The following PRSS55 variants were observed in gnomAD, a reference collection of about 807,000 sequenced individuals.
The protein encoded by PRSS55 is probable serine protease UNQ9391/PRO34284.
PRSS55 carries 41 observed loss-of-function variants against 23.6 expected under a neutral mutation model. The ratio of observed to expected loss-of-function variants is 1.74; its 90% CI spans 1.35 to 2.26. The LOEUF is 2.26. Ranked by LOEUF, PRSS55 falls within the 30% of genes most tolerant of loss-of-function variation. The pLI, the probability that PRSS55 is intolerant of heterozygous loss-of-function variation, is 0.00. For synonymous variants in PRSS55, 262 were observed against 175.5 expected, an observed-to-expected ratio of 1.49 and a Z score of -3.90; for missense variants, 669 against 439.1, an observed-to-expected ratio of 1.52 and a Z score of -4.68.
downstream of PRSS55, among the ~76,000 whole-genome samples, chr8:10,539,545 A>T (rs1273850917): frequency 2.6e-5 from 4 of 152,170 alleles, no homozygotes; most frequent in Admixed American, 6.5e-5. Flanking sequence ...CTCAAATCTC[A>T]TCTTGAATTA....
At chr8:10,531,264 C>T (rs777550398) in intron 2 of PRSS55, 31 bp from the exon 3 acceptor site, 14 of 1,610,292 alleles carry the variant, frequency 8.7e-6, no homozygotes, top group East Asian at 2.2e-5. Context: ...CTTCCCCTTC[C>T]ACTTGCCCCT....
Position 10,535,910 on chromosome 8 carries a change from G to T in PRSS55, c.742-2566G>T, listed in dbSNP as rs1267744348. Among the ~76,000 whole-genome samples, 3 of 152,210 alleles carry T rather than the reference G, an allele frequency of 2.0e-5. No individual in the cohort carries two copies. The South Asian group carries it at 6.2e-4, about 32-fold the overall frequency. ...CATTAAAAAATGGGCAGAGGGGCCG[G>T]GAGCGGTGGTTCACGCCTCTAATCC... On this transcript the variant is annotated intron_variant, in intron 4 of 4. Transcript: ENST00000328655.
chr8:10,550,065 C>T (rs762635389), intron 4 of PRSS55, among the ~76,000 whole-genome samples: 24 of 152,112 alleles, frequency 1.6e-4, no homozygotes, highest in Admixed American at 8.5e-4. Context: ...ACTACAGGTG[C>T]GCGCCACCAT....
chr8:10,541,962 G>T (rs1812668455), downstream of PRSS55, among the ~76,000 whole-genome samples: 1 of 152,046 alleles, frequency 6.6e-6, no homozygotes, highest in Non-Finnish European at 1.5e-5. Flanking sequence ...TTTTTGTAGA[G>T]ATGGGAGTTT....
intron 1 of PRSS55, among the ~76,000 whole-genome samples, chr8:10,528,596 C>T (rs931531644): frequency 1.3e-5 from 2 of 152,224 alleles, no homozygotes; most frequent in African/African-American, 4.8e-5. Flanking sequence ...AGTAAAGGAG[C>T]TGCTCAGCCT....
At position 10,529,514 on chromosome 8, in the gene PRSS55, T is replaced by G; in HGVS notation, c.162T>G (p.Gly54=). ...TCTCTTTCTTTCCACCAGAATGTGG[T>G]GACAGATCTATTTTCGAGGGAAGAA... is the stretch of plus-strand genomic sequence containing the variant. ...PHPPSPVSEC[G]DRSIFEGRTR... The change falls in exon 2 of 5, where the codon GGT becomes GGG. Residue 54 remains glycine (G), a synonymous_variant. Transcript: ENST00000328655. 1.2e-6 allele frequency: 2 copies of G among 1,614,070 alleles called. No individual in the cohort carries two copies. Among genetic ancestry groups the G allele is most frequent in the Non-Finnish European group, 1.7e-6 (2 of 1,179,960 alleles).
chr8:10,533,310 G>T (rs1812338728), intron 4 of PRSS55, among the ~76,000 whole-genome samples: 1 of 152,150 alleles, frequency 6.6e-6, no homozygotes, highest in South Asian at 2.1e-4. Flanking sequence ...GGACGCCAAG[G>T]CTTTTCTCAT....
chr8:10,541,502 C>G (rs957518980), downstream of PRSS55: 10 of 152,210 alleles, frequency 6.6e-5, no homozygotes, highest in African/African-American at 2.4e-4. Flanking sequence ...TCTCCTGCAT[C>G]TCGAGCCTGC....
chr8:10,532,991 A>G lies in PRSS55; in HGVS notation c.684A>G (p.Lys228=). 6.2e-7 allele frequency: 1 copy of G among 1,614,178 alleles called. No homozygotes were observed. The highest frequency in any genetic ancestry group is 8.5e-7 in the Non-Finnish European group (1 of 1,180,034). The change falls in exon 4 of 5, where the codon AAA becomes AAG. Residue 228 remains lysine, a synonymous_variant. Coordinates refer to ENST00000328655, the MANE Select transcript of PRSS55 (RefSeq NM_198464.4). ...AGGAGTGTTCAAAGATGTTTCCAAA[A>G]CTTACCAAAAATATGCTGTGTGCCG... The part of the protein sequence containing the change: ...DWEECSKMFP[K]LTKNMLCAGY...
At position 10,551,027 on chromosome 8, in the gene PRSS55, G is replaced by A. The variant is rs570771433; in HGVS notation, c.742-2916G>A. Among the ~76,000 whole-genome samples, 195 of 152,254 alleles carry A rather than the reference G, an allele frequency of 1.3e-3. 2 individuals carry two copies. The highest frequency in any genetic ancestry group is 5.0e-3 in the South Asian group (24 of 4,824). On this transcript the variant is annotated intron_variant, in intron 4 of 4. Coordinates refer to the PRSS55 transcript ENST00000522210. ...GTACATTTTGAAATCCCCTGTTGCC[G>A]CCACCTTCTCTTACTATCTTCTTAT...
At chr8:10,527,448 T>C (rs1352544956) in intron 1 of PRSS55, among the ~76,000 whole-genome samples, 3 of 152,144 alleles carry the variant, frequency 2.0e-5, no homozygotes, top group Non-Finnish European at 4.4e-5. Context: ...AAGGGACTGA[T>C]AATGTAGGAG....
Position 10,538,583 on chromosome 8 carries a change from G to T in PRSS55, c.849G>T (p.Gly283=), listed in dbSNP as rs141017851. 8.0e-5 allele frequency: 129 copies of T among 1,614,124 alleles called. No individual in the cohort carries two copies. In the African/African-American group the frequency reaches 1.6e-3, roughly 20 times the overall value. Residue 283 remains glycine (G), a synonymous_variant, in exon 5 of 5, where the codon GGG becomes GGT. Transcript: ENST00000328655. ...GKSCGEKNTP[G]IYTSLVNYNL... is the part of the protein sequence containing the mutation. Reference sequence around the variant, plus strand: ...GCTGTGGAGAGAAGAACACCCCAGGGATATACACCTCGTTGGTGAACTACA... The same window carrying T: ...GCTGTGGAGAGAAGAACACCCCAGGTATATACACCTCGTTGGTGAACTACA...
intron 1 of PRSS55, chr8:10,529,305 G>C (rs1812156090): frequency 3.2e-6 from 2 of 616,194 alleles, no homozygotes; most frequent in Admixed American, 2.6e-5. Context: ...ATCTGTTGCT[G>C]AGCTCTGTGT....
intron 4 of PRSS55, among the ~76,000 whole-genome samples, chr8:10,547,856 G>C (rs572117380): frequency 1.3e-5 from 2 of 151,806 alleles, no homozygotes; most frequent in Non-Finnish European, 2.9e-5. Flanking sequence ...GAAGAGCAGG[G>C]AACAACATGT....
intron 4 of PRSS55, among the ~76,000 whole-genome samples, chr8:10,535,950 G>C (rs531430642): frequency 6.6e-6 from 1 of 152,230 alleles, no homozygotes; most frequent in Non-Finnish European, 1.5e-5. Context: ...ACTGTGGGAC[G>C]CCAAGACCGG....
At chr8:10,549,279 G>C (rs1249647739) in intron 4 of PRSS55, among the ~76,000 whole-genome samples, 2 of 152,220 alleles carry the variant, frequency 1.3e-5, no homozygotes, top group Non-Finnish European at 2.9e-5. Flanking sequence ...GAAGAGGCTT[G>C]AGCAAGAGTG....
chr8:10,538,742 G>C lies in PRSS55; in HGVS notation c.1008G>C (p.Trp336Cys), dbSNP rs371095952. 3 of 1,611,588 alleles carry C rather than the reference G, an allele frequency of 1.9e-6. No homozygotes were observed. The highest frequency in any genetic ancestry group is 2.5e-6 in the Non-Finnish European group (3 of 1,178,976). The change falls in exon 5 of 5, where the codon TGG becomes TGC. Residue 336 changes from tryptophan to cysteine, a missense_variant. Physicochemically the swap from Trp to Cys is radical, Grantham distance 215 (BLOSUM62 -2). Transcript: ENST00000328655. ...GVPEPGSPRS[W>C]LLLCPLSHVL... ...CAGAGCCAGGCAGCCCCAGATCCTG[G>C]CTCCTGCTCTGTCCCCTGTCCCATG...
chr8:10,531,831 C>T (rs1812277936), intron 3 of PRSS55: 1 of 421,402 alleles, frequency 2.4e-6, no homozygotes, highest in East Asian at 4.3e-5. Flanking sequence ...CCCCTCTACT[C>T]TGTATTCATA....
intron 1 of PRSS55, among the ~76,000 whole-genome samples, chr8:10,528,136 T>C (rs1016293023): frequency 6.6e-6 from 1 of 151,176 alleles, no homozygotes; most frequent in African/African-American, 2.4e-5. Flanking sequence ...GAGGCAGAGG[T>C]TGCAGTGAGC....
Sources: allele counts gnomAD v4.1 joint callset (sites outside exome capture counted in the v4.1 genomes callset), GRCh38; gene constraint gnomAD v4.1.1; transcripts MANE v1.5; gene names NCBI Gene and HGNC (gene_info 2026-07-23, HGNC 2026-07-21).